The following PLEKHA5 variants were observed in gnomAD, a reference collection of about 807,000 sequenced individuals.
The protein encoded by PLEKHA5 is pleckstrin homology domain-containing family A member 5.
A neutral mutation model predicts 181.9 loss-of-function variants in PLEKHA5; 55 were observed. That is an observed-to-expected ratio of 0.30 (90% CI 0.24 to 0.38). The LOEUF (loss-of-function observed/expected upper bound fraction) is 0.38. Ranked by LOEUF, PLEKHA5 falls within the 10% of genes least tolerant of loss-of-function variation. The pLI, the probability that PLEKHA5 is intolerant of heterozygous loss-of-function variation, is 1.00. For synonymous variants in PLEKHA5, 535 were observed against 529.4 expected, an observed-to-expected ratio of 1.01 and a Z score of -0.15; for missense variants, 1,432 against 1,549.5, an observed-to-expected ratio of 0.92 and a Z score of 1.27.
intron 3 of PLEKHA5, among the ~76,000 whole-genome samples, chr12:19,161,106 T>TA (rs1248307633): frequency 6.6e-6 from 1 of 152,192 alleles, no homozygotes; most frequent in African/African-American, 2.4e-5. Flanking sequence ...TTAGTAGAGC[T>TA]ATATTAATAT....
rs2076597987 is a variant in PLEKHA5, at chr12:19,283,423, A to G, written c.1457A>G (p.His486Arg). The change falls in exon 12 of 32, where the codon CAT becomes CGT. Residue 486 changes from histidine (H) to arginine (R), a missense_variant. This residue lies in a region of PLEKHA5 where 1,143 missense variants were observed against 1,168.4 expected (regional missense o/e 0.98). Coordinates refer to ENST00000429027, the MANE Select transcript of PLEKHA5 (RefSeq NM_001256470.2). ...ATCTGCAGTGTAACCCCTTCCACTC[A>G]TGACAAGACATTAGGACCCGGAGCG... Reference protein sequence around the residue: ...ESICSVTPSTHDKTLGPGAEE... With the variant: ...ESICSVTPSTRDKTLGPGAEE... 3.7e-6 allele frequency: 6 copies of G among 1,613,968 alleles called. No homozygotes were observed. The Admixed American group carries it at 6.7e-5, about 18-fold the overall frequency.
At chr12:19,367,646 C>A (rs974400759) in intron 30 of PLEKHA5, among the ~76,000 whole-genome samples, 2 of 151,894 alleles carry the variant, frequency 1.3e-5, no homozygotes, top group African/African-American at 4.8e-5. Context: ...GTGGCGCGAT[C>A]TCCACTCACT....
intron 3 of PLEKHA5, among the ~76,000 whole-genome samples, chr12:19,192,304 A>G (rs1345585237): frequency 6.6e-6 from 1 of 152,198 alleles, no homozygotes; most frequent in East Asian, 1.9e-4. Context: ...AATGAGATTC[A>G]TGAGGAAAGA....
At position 19,323,016 on chromosome 12, in the gene PLEKHA5, A is replaced by AT. The variant is rs538132540; in HGVS notation, c.2448+375dup. ...GGCTGGCACTACTACACCTGGCTAG[A>AT]TTTTTTTTTTTTTTTTTTTTTTTTT... On this transcript the variant is annotated intron_variant, in intron 20 of 31. Transcript: ENST00000429027. 3.4e-3 allele frequency among the ~76,000 whole-genome samples: 313 copies of AT among 92,746 alleles called. 13 individuals carry two copies. Among genetic ancestry groups the AT allele is most frequent in the African/African-American group, 0.013 (291 of 23,126 alleles). 60.8% of individuals were successfully genotyped at this position (92,746 alleles called of 152,430 possible).
At position 19,322,384 on chromosome 12, in the gene PLEKHA5, G is replaced by A. The variant is rs1398057870; in HGVS notation, c.2292G>A (p.Lys764=). 6.2e-7 allele frequency: 1 copy of A among 1,607,044 alleles called. No individual in the cohort carries two copies. Among genetic ancestry groups the A allele is most frequent in the Admixed American group, 1.7e-5 (1 of 60,008 alleles). ...ALEEKLQQLH[K]EKYTLEQALL... ...AAGAGAAACTTCAGCAACTCCACAA[G>A]GAGAAAGTAGGACAATTATGTTTAT... Residue 764 remains lysine (K), a synonymous_variant, in exon 19 of 32, where the codon AAG becomes AAA. Coordinates refer to ENST00000429027, the MANE Select transcript of PLEKHA5 (RefSeq NM_001256470.2).
chr12:19,334,829 A>AAAATATATATATAT, intron 20 of PLEKHA5, among the ~76,000 whole-genome samples: 1 of 18,608 alleles, frequency 5.4e-5, no homozygotes, highest in African/African-American at 1.2e-4. Flanking sequence ...AAAAAAAAAA[A>AAAATATATATATAT]ATATATATAT....
chr12:19,328,132 A>C (rs2092431743), intron 20 of PLEKHA5, among the ~76,000 whole-genome samples: 1 of 152,194 alleles, frequency 6.6e-6, no homozygotes, highest in Non-Finnish European at 1.5e-5. Flanking sequence ...ATCAAATATC[A>C]GATGGCCATA....
rs2033605805 is a variant in PLEKHA5 at position 19,130,936 on chromosome 12, T to A, written c.169+806T>A. ...CGTATGGGGGCACCCGGGCCCTGTT[T>A]GGAGGGAGTCCGTGGGGAAGCGGCT... On this transcript the variant is annotated intron_variant, in intron 2 of 31. Transcript: ENST00000429027. The surrounding 1 kb of genome is among the most constrained non-coding windows in gnomAD (Gnocchi z 4.5). 1 of 152,334 alleles carries A rather than the reference T, an allele frequency of 6.6e-6. No homozygotes were observed. Among genetic ancestry groups the A allele is most frequent in the East Asian group, 1.9e-4 (1 of 5,186 alleles). The allele number at this position is 152,334 out of a possible 1,614,324, so 9.4% of individuals were successfully genotyped here. A position where few individuals can be genotyped will look rare whatever the true frequency, so the allele number is the denominator to read the frequency against.
intron 15 of PLEKHA5, among the ~76,000 whole-genome samples, chr12:19,310,534 C>T (rs1475247863): frequency 6.9e-6 from 1 of 145,718 alleles, no homozygotes; most frequent in African/African-American, 2.5e-5. Flanking sequence ...TGCTTGAACT[C>T]GGGAGGCAGA....
chr12:19,336,484 C>T, intron 20 of PLEKHA5, 31 bp from the exon 21 acceptor site: 3 of 1,123,152 alleles, frequency 2.7e-6, no homozygotes, highest in African/African-American at 3.1e-5. Flanking sequence ...ACATTTTCCC[C>T]ATTAAAGTAA....
chr12:19,139,148 T>A (rs993152936), intron 3 of PLEKHA5, among the ~76,000 whole-genome samples: 2 of 152,024 alleles, frequency 1.3e-5, no homozygotes, highest in Non-Finnish European at 2.9e-5. Context: ...CTGACAGGCC[T>A]TAGGAGTCTT....
rs33984774 is a variant in PLEKHA5, at chr12:19,362,167, C to CAA, written c.3608+484_3608+485dup. 8.5e-3 allele frequency among the ~76,000 whole-genome samples: 521 copies of CAA among 61,578 alleles called. 10 individuals carry two copies. The highest frequency in any genetic ancestry group is 0.03 in the African/African-American group (480 of 16,164). The allele number at this position is 61,578 out of a possible 152,430, so 40.4% of individuals were successfully genotyped here. On this transcript the variant is annotated intron_variant, in intron 29 of 31. Transcript: ENST00000429027. ...TGGGCAACAGAGTGAGACTCTGTCTCAAAAAAAAAAAAAAAAAAAAAAAAG... is the reference window on the plus strand; with the variant it reads ...TGGGCAACAGAGTGAGACTCTGTCTCAAAAAAAAAAAAAAAAAAAAAAAAAAG...
At chr12:19,189,048 T>G (rs1482857080) in intron 3 of PLEKHA5, among the ~76,000 whole-genome samples, 1 of 152,144 alleles carries the variant, frequency 6.6e-6, no homozygotes, top group African/African-American at 2.4e-5. Context: ...TAAAGTGTGT[T>G]TAAATGGGTT....
intron 15 of PLEKHA5, among the ~76,000 whole-genome samples, chr12:19,301,437 T>G (rs1454549452): frequency 6.6e-6 from 1 of 152,154 alleles, no homozygotes; most frequent in East Asian, 1.9e-4. Context: ...TGCTTGAAAT[T>G]AAAGGAACAG....
At chr12:19,210,321 A>G (rs1254223906) in intron 3 of PLEKHA5, among the ~76,000 whole-genome samples, 2 of 152,346 alleles carry the variant, frequency 1.3e-5, no homozygotes, top group South Asian at 4.1e-4. Flanking sequence ...TTTTAAAAGT[A>G]TAAGTTCAAA....
At chr12:19,247,192 C>T (rs1304200060) in intron 3 of PLEKHA5, among the ~76,000 whole-genome samples, 1 of 152,188 alleles carries the variant, frequency 6.6e-6, no homozygotes, top group Non-Finnish European at 1.5e-5. Context: ...CCCCCGTTTT[C>T]AGAGTGCTGT....
chr12:19,318,136 G>A (rs566651635), intron 16 of PLEKHA5, among the ~76,000 whole-genome samples: 1 of 151,650 alleles, frequency 6.6e-6, no homozygotes, highest in Non-Finnish European at 1.5e-5. Context: ...TTTGTTTAAG[G>A]AAAAATTTTG....
chr12:19,250,709 A>C (rs2065054655), intron 3 of PLEKHA5, among the ~76,000 whole-genome samples: 1 of 152,244 alleles, frequency 6.6e-6, no homozygotes, highest in African/African-American at 2.4e-5. Context: ...TAAGCATAAA[A>C]TATCTGGCAA....
chr12:19,284,943 A>G (rs568071275), intron 12 of PLEKHA5, among the ~76,000 whole-genome samples: 1 of 152,288 alleles, frequency 6.6e-6, no homozygotes, highest in East Asian at 1.9e-4. Context: ...AAAAAATAGT[A>G]ATAATAAGTT....
Sources: allele counts gnomAD v4.1 joint callset (sites outside exome capture counted in the v4.1 genomes callset), GRCh38; gene constraint gnomAD v4.1.1; regional missense constraint gnomAD v4.1.1; non-coding constraint Gnocchi (gnomAD v3.1); transcripts MANE v1.5; gene names NCBI Gene and HGNC (gene_info 2026-07-23, HGNC 2026-07-21).